Variants in TEN1 observed in about 807,000 individuals in gnomAD.
TEN1 encodes the protein TEN1 subunit of CST complex.
Under a neutral mutation model 9.3 loss-of-function variants are expected in TEN1, and 6 were observed. The observed-to-expected ratio is 0.65, with a 90% confidence interval of 0.35 to 1.27. The LOEUF is 1.27. Among genes scored for constraint, TEN1 ranks in the 50% most tolerant of loss-of-function variants. The pLI is 0.03. For missense variants in TEN1, 149 were observed against 158.2 expected (o/e 0.94, Z 0.31); for synonymous variants, 65 against 65.6 (o/e 0.99, Z 0.04).
chr17:76,000,106 C>T lies in TEN1; in HGVS notation c.251-35C>T, dbSNP rs756192717. The T allele has an allele frequency of 1.3e-6, 2 of 1,545,502 alleles. No homozygotes were observed. Among genetic ancestry groups the T allele is most frequent in the South Asian group, 2.4e-5 (2 of 83,718 alleles). ...TGGAGGACGTTGTTGACACGCCGCT[C>T]AGTCGCCGTTCGTGCCCTGGTGTTT... On this transcript the variant is annotated intron_variant, in intron 3 of 3. Coordinates refer to ENST00000397640, the MANE Select transcript of TEN1 (RefSeq NM_001113324.3). The surrounding 1 kb of genome is among the most constrained non-coding windows in gnomAD (Gnocchi z 5.9).
chr17:75,991,844 C>T (rs975973640), intron 3 of TEN1, among the ~76,000 whole-genome samples: 6 of 152,040 alleles, frequency 3.9e-5, no homozygotes, highest in Admixed American at 6.6e-5. Context: ...GTCAGGAGTT[C>T]GAGACCAGCC....
At chr17:75,984,807 C>T (rs1211939461) in intron 1 of TEN1, 1 of 152,280 alleles carries the variant, frequency 6.6e-6, no homozygotes, top group Non-Finnish European at 1.5e-5. Context: ...GCATGAGTCT[C>T]ACTTGCCAGC....
At chr17:75,991,043 G>A (rs1383850033) in intron 2 of TEN1, among the ~76,000 whole-genome samples, 1 of 150,782 alleles carries the variant, frequency 6.6e-6, no homozygotes, top group Non-Finnish European at 1.5e-5. Flanking sequence ...CCAGCTACTC[G>A]GGAGGCTGAG....
At position 75,985,007 on chromosome 17, in the gene TEN1, G is replaced by A. The variant is rs976397814; in HGVS notation, c.-6-1180G>A. The A allele has an allele frequency of 3.3e-5, 5 of 152,244 alleles. No homozygotes were observed. The East Asian group carries it at 5.8e-4, about 18-fold the overall frequency. 9.4% of individuals were successfully genotyped at this position (152,244 alleles called of 1,614,324 possible). A position where few individuals can be genotyped will look rare whatever the true frequency, so the allele number is the denominator to read the frequency against. On this transcript the variant is annotated intron_variant, in intron 1 of 3. Transcript: ENST00000397640. ...GCCTGTAATCCCAGCACTTTGGGAG[G>A]CCAAGGTGGGTAGATCATCTGAGGT...
chr17:75,987,785 T>C (rs2066160676), intron 2 of TEN1, among the ~76,000 whole-genome samples: 2 of 151,128 alleles, frequency 1.3e-5, no homozygotes, highest in South Asian at 2.1e-4. Flanking sequence ...GGCTTGGTGG[T>C]GGGTGCCTAT....
chr17:75,986,356 C>T, intron 2 of TEN1, 72 bp downstream of exon 2: 2 of 1,277,176 alleles, frequency 1.6e-6, no homozygotes, highest in Non-Finnish European at 2.1e-6. Context: ...TCCAAAAAGA[C>T]ATAATTAGAA....
At position 76,000,432 on chromosome 17, in the gene TEN1, C is replaced by A; in HGVS notation, c.*170C>A. The A allele has an allele frequency of 1.0e-6, 1 of 994,552 alleles. No individual in the cohort carries two copies. Among genetic ancestry groups the A allele is most frequent in the Non-Finnish European group, 1.4e-6 (1 of 705,016 alleles). The allele number at this position is 994,552 out of a possible 1,614,324, so 61.6% of individuals were successfully genotyped here. A position where few individuals can be genotyped will look rare whatever the true frequency, so the allele number is the denominator to read the frequency against. On this transcript the variant is annotated 3_prime_UTR_variant, in exon 4 of 4. Coordinates refer to ENST00000397640, the MANE Select transcript of TEN1 (RefSeq NM_001113324.3). This position sits in a 1 kb window ranked among gnomAD's most constrained non-coding sequence, Gnocchi z 5.9. ...TTCCCCTACTTTGGGATTGGCTCAGCAATGAGAACCCAGAAAGCATGCCAT... is the reference window on the plus strand; with the variant it reads ...TTCCCCTACTTTGGGATTGGCTCAGAAATGAGAACCCAGAAAGCATGCCAT...
chr17:75,988,280 G>T (rs1248433610), intron 2 of TEN1, among the ~76,000 whole-genome samples: 1 of 151,238 alleles, frequency 6.6e-6, no homozygotes, highest in Admixed American at 6.6e-5. Flanking sequence ...CTAGTTAAGG[G>T]CTGGGTGTGG....
chr17:75,986,153 A>G, intron 1 of TEN1, 34 bp from the exon 2 acceptor site: 1 of 1,486,392 alleles, frequency 6.7e-7, no homozygotes, highest in East Asian at 2.5e-5. Flanking sequence ...TTTATCAGGA[A>G]TCTTCAAAAT....
At chr17:75,999,592 C>T (rs1342548270) in intron 3 of TEN1, among the ~76,000 whole-genome samples, 14 of 152,086 alleles carry the variant, frequency 9.2e-5, no homozygotes, top group Non-Finnish European at 1.9e-4. Context: ...TTCCACATGC[C>T]TTGGCCTCCC....
intron 3 of TEN1, among the ~76,000 whole-genome samples, chr17:75,997,421 T>A (rs957832704): frequency 6.6e-6 from 1 of 151,836 alleles, no homozygotes; most frequent in Non-Finnish European, 1.5e-5. Flanking sequence ...CTTCCTCTCC[T>A]CCCCTGTCCC....
At chr17:75,988,819 G>A (rs2066168012) in intron 2 of TEN1, among the ~76,000 whole-genome samples, 1 of 151,886 alleles carries the variant, frequency 6.6e-6, no homozygotes, top group Admixed American at 6.6e-5. Flanking sequence ...TCACCAGGCT[G>A]GAGTGCAGTG....
In TEN1 at chr17:75,991,628, G is replaced by A. The variant is rs763628290; in HGVS notation, c.250+5G>A. ...GGGAGCTCCAGCATCAGCAGGGTGAGCTGCAGCCTCAGATCCCCTTTCTCA... is the reference window on the plus strand; with the variant it reads ...GGGAGCTCCAGCATCAGCAGGGTGAACTGCAGCCTCAGATCCCCTTTCTCA... On this transcript the variant is annotated splice_donor_5th_base_variant and intron_variant, in intron 3 of 3. Coordinates refer to ENST00000397640, the MANE Select transcript of TEN1 (RefSeq NM_001113324.3). 6.4e-7 allele frequency: 1 copy of A among 1,550,746 alleles called. No individual in the cohort carries two copies. The highest frequency in any genetic ancestry group is 1.2e-5 in the South Asian group (1 of 84,054).
At chr17:75,996,903 G>C (rs2066221679) in intron 3 of TEN1, among the ~76,000 whole-genome samples, 1 of 151,984 alleles carries the variant, frequency 6.6e-6, no homozygotes, top group African/African-American at 2.4e-5. Context: ...CTGGAGCAGG[G>C]CCGGAGTTTC....
chr17:75,998,282 C>T (rs997995961), intron 3 of TEN1, among the ~76,000 whole-genome samples: 1 of 151,014 alleles, frequency 6.6e-6, no homozygotes, highest in Non-Finnish European at 1.5e-5. Context: ...ATTCTCGTGC[C>T]TCAGCCTCCC....
intron 1 of TEN1, among the ~76,000 whole-genome samples, chr17:75,983,711 G>A (rs186049871): frequency 9.2e-5 from 14 of 152,210 alleles, no homozygotes; most frequent in South Asian, 6.2e-4. Flanking sequence ...ATGTAGTTTC[G>A]GGGAAGGGGT....
At chr17:75,989,084 C>G (rs527346164) in intron 2 of TEN1, among the ~76,000 whole-genome samples, 1 of 148,160 alleles carries the variant, frequency 6.7e-6, no homozygotes, top group Non-Finnish European at 1.5e-5. Flanking sequence ...TTAGCCAATT[C>G]TTTATTGATT....
intron 3 of TEN1, among the ~76,000 whole-genome samples, chr17:75,993,801 C>A (rs2066201930): frequency 6.6e-6 from 1 of 151,518 alleles, no homozygotes; most frequent in Non-Finnish European, 1.5e-5. Flanking sequence ...TTGAGACCAT[C>A]CTGGCTAACA....
chr17:75,982,397 C>T (rs1469705994), intron 1 of TEN1, among the ~76,000 whole-genome samples: 1 of 152,160 alleles, frequency 6.6e-6, no homozygotes. Context: ...ATTACTCTGC[C>T]TTTTGTAAGT....
Sources: allele counts gnomAD v4.1 joint callset (sites outside exome capture counted in the v4.1 genomes callset), GRCh38; gene constraint gnomAD v4.1.1; non-coding constraint Gnocchi (gnomAD v3.1); transcripts MANE v1.5; gene names NCBI Gene and HGNC (gene_info 2026-07-23, HGNC 2026-07-21).